Variants in CCNDBP1 observed in about 807,000 individuals in gnomAD.
CCNDBP1 encodes the protein cyclin D1 binding protein 1.
CCNDBP1 carries 45 observed loss-of-function variants against 46.2 expected under a neutral mutation model. The observed-to-expected ratio is 0.97, with a 90% confidence interval of 0.77 to 1.25. The LOEUF (loss-of-function observed/expected upper bound fraction) is 1.25, where lower values mean the gene tolerates loss of function less well. CCNDBP1 is among the 50% of genes most tolerant of loss of function. CCNDBP1 has a pLI of 0.00. For synonymous variants in CCNDBP1, 154 were observed against 163.6 expected (o/e 0.94, Z 0.45); for missense variants, 436 against 442.1 (o/e 0.99, Z 0.12).
At chr15:43,185,916 T>G in intron 2 of CCNDBP1, 37 bp downstream of exon 2, 2 of 1,579,724 alleles carry the variant, frequency 1.3e-6, no homozygotes, top group Non-Finnish European at 1.7e-6. Context: ...CTTGCCTCAG[T>G]TCCTCCAGCG....
In CCNDBP1 at chr15:43,191,007, G is replaced by T. The variant is rs1341888150; in HGVS notation, c.544G>T (p.Asp182Tyr). The T allele has an allele frequency of 6.2e-7, 1 of 1,614,134 alleles. No individual in the cohort carries two copies. Among genetic ancestry groups the T allele is most frequent in the South Asian group, 1.1e-5 (1 of 91,082 alleles). The change falls in exon 7 of 11, where the codon GAT becomes TAT. Residue 182 changes from aspartate (D) to tyrosine (Y), a missense_variant. Physicochemically the swap from Asp to Tyr is radical, Grantham distance 160. Transcript: ENST00000300213. ...TCTTTTGATGCTGACCAAGAATGTGGATTTTGTGAAGGATGCACATGAAGA... is the reference window on the plus strand; with the variant it reads ...TCTTTTGATGCTGACCAAGAATGTGTATTTTGTGAAGGATGCACATGAAGA... ...AALLMLTKNV[D>Y]FVKDAHEEME... is the part of the protein sequence containing the mutation.
chr15:43,189,020 G>A (rs2041898236), intron 3 of CCNDBP1, 179 bp from the exon 4 acceptor site: 1 of 382,778 alleles, frequency 2.6e-6, no homozygotes, highest in Non-Finnish European at 4.5e-6. Flanking sequence ...GGAGGTTGCA[G>A]TGAGCCAAGA....
chr15:43,186,100 A>C (rs2041824876), intron 2 of CCNDBP1, 54 bp from the exon 3 acceptor site: 2 of 1,515,454 alleles, frequency 1.3e-6, no homozygotes, highest in Non-Finnish European at 1.8e-6. Flanking sequence ...AAGTCTTCCA[A>C]GTCCGTGCAG....
intron 3 of CCNDBP1, among the ~76,000 whole-genome samples, chr15:43,187,166 G>A (rs1027732649): frequency 6.6e-6 from 1 of 151,740 alleles, no homozygotes; most frequent in Non-Finnish European, 1.5e-5. Context: ...ATAGTCAATT[G>A]TTTTAATTTT....
At chr15:43,193,332 C>CAAAAAAAAAA (rs60206861) in intron 9 of CCNDBP1, 1 of 39,144 alleles carries the variant, frequency 2.6e-5, no homozygotes, top group African/African-American at 1.2e-4. Flanking sequence ...GACTCTGTCT[C>CAAAAAAAAAA]AAAAAAAAAA....
chr15:43,191,362 TTTTGCA>T, intron 7 of CCNDBP1, 27 bp from the exon 8 acceptor site: 4 of 1,369,058 alleles, frequency 2.9e-6, no homozygotes, highest in Non-Finnish European at 1.9e-6. Flanking sequence ...TTTTTTTTTT[TTTTGCA>T]TTCACATACA....
chr15:43,197,063 G>T lies in CCNDBP1; in HGVS notation c.*2222G>T. Reference sequence around the variant, plus strand: ...AACCCATTCTTGCCCTGTGATCTCTGCTCACGTTGCCTCCCTTCATCTTCC... The same window carrying T: ...AACCCATTCTTGCCCTGTGATCTCTTCTCACGTTGCCTCCCTTCATCTTCC... On this transcript the variant is annotated 3_prime_UTR_variant, in exon 11 of 11. Transcript: ENST00000300213. The T allele has an allele frequency of 3.7e-6, 2 of 533,702 alleles. No individual in the cohort carries two copies. The highest frequency in any genetic ancestry group is 6.7e-6 in the Non-Finnish European group (2 of 298,760). 33.1% of individuals were successfully genotyped at this position (533,702 alleles called of 1,614,324 possible).
In CCNDBP1 at chr15:43,191,527, C is replaced by T. The variant is rs1351452619; in HGVS notation, c.712C>T (p.Gln238Ter). 6.2e-7 allele frequency: 1 copy of T among 1,614,030 alleles called. No individual in the cohort carries two copies. Among genetic ancestry groups the T allele is most frequent in the Admixed American group, 1.7e-5 (1 of 60,012 alleles). Residue 238 changes from glutamine (Q) to a stop codon, truncating the protein, a stop_gained, in exon 8 of 11, where the codon CAA becomes TAA. Transcript: ENST00000300213. LOFTEE classifies it high-confidence loss of function. ...GGACTTGTATTGGTCAGAGGACGAT[C>T]AAGAGCTCATAATCCCATGCCTTGC... ...NQDLYWSEDD[Q>*]ELIIPCLALV... is the part of the protein sequence containing the mutation.
At chr15:43,191,078 G>C (rs778513599) in intron 7 of CCNDBP1, 36 bp downstream of exon 7, 1 of 1,457,448 alleles carries the variant, frequency 6.9e-7, no homozygotes, top group African/African-American at 1.4e-5. Context: ...GCAACTCCTT[G>C]ACTAGTAGAT....
chr15:43,185,723 C>A, intron 1 of CCNDBP1, 97 bp from the exon 2 acceptor site: 1 of 1,420,296 alleles, frequency 7.0e-7, no homozygotes, highest in East Asian at 2.6e-5. Context: ...CGGGCTGGGG[C>A]GGCGGCGGGG....
chr15:43,188,889 CAGTGTGGCA>C, intron 3 of CCNDBP1: 1 of 214,266 alleles, frequency 4.7e-6, no homozygotes, highest in South Asian at 7.5e-5. Context: ...CCAGTGTGGC[CAGTGTGGCA>C]AAACCCCATC....
chr15:43,192,543 C>T (rs1475426343), intron 8 of CCNDBP1, among the ~76,000 whole-genome samples, 200 bp from the exon 9 acceptor site: 6 of 152,162 alleles, frequency 3.9e-5, no homozygotes, highest in Non-Finnish European at 7.4e-5. Flanking sequence ...ATTTCCCCCC[C>T]AGCTTCCTAG....
chr15:43,185,418 C>A lies in CCNDBP1; in HGVS notation c.-81C>A. ...GAAACGAGCCCTTGACGCTGTGGCC[C>A]GGAAGTGGAGCGGCTGTCGCAGTGC... On this transcript the variant is annotated 5_prime_UTR_variant, in exon 1 of 11. Coordinates refer to ENST00000300213, the MANE Select transcript of CCNDBP1 (RefSeq NM_012142.5). 8.9e-7 allele frequency: 1 copy of A among 1,123,278 alleles called. No homozygotes were observed. Among genetic ancestry groups the A allele is most frequent in the Non-Finnish European group, 1.3e-6 (1 of 770,266 alleles). 69.6% of individuals were successfully genotyped at this position (1,123,278 alleles called of 1,614,324 possible). A position where few individuals can be genotyped will look rare whatever the true frequency, so the allele number is the denominator to read the frequency against.
rs1231749493 is a variant in CCNDBP1 at position 43,185,507 on chromosome 15, C to T, written c.9C>T (p.Ser3=). The T allele has an allele frequency of 1.3e-6, 2 of 1,591,384 alleles. No individual in the cohort carries two copies. Among genetic ancestry groups the T allele is most frequent in the Non-Finnish European group, 1.7e-6 (2 of 1,172,346 alleles). Residue 3 remains serine, a synonymous_variant, in exon 1 of 11, where the codon AGC becomes AGT. Transcript: ENST00000300213. ...TTCGGCAAGCGACTGAGATGGCGAG[C>T]GCAACTGCACCTGCAGCCGCAGTCC... The part of the protein sequence containing the change: MA[S]ATAPAAAVPT...
intron 3 of CCNDBP1, among the ~76,000 whole-genome samples, chr15:43,187,270 G>T (rs1044518245): frequency 6.7e-6 from 1 of 150,138 alleles, no homozygotes; most frequent in African/African-American, 2.5e-5. Context: ...ATACCTTTGA[G>T]ATTTTTTTTT....
chr15:43,187,753 C>G (rs1424991082), intron 3 of CCNDBP1, among the ~76,000 whole-genome samples: 1 of 152,150 alleles, frequency 6.6e-6, no homozygotes, highest in African/African-American at 2.4e-5. Flanking sequence ...TAAGATACCA[C>G]AAGGAGGCAG....
intron 9 of CCNDBP1, 78 bp from the exon 10 acceptor site, chr15:43,194,337 C>T (rs1428755628): frequency 5.9e-6 from 7 of 1,195,614 alleles, no homozygotes; most frequent in Non-Finnish European, 5.8e-6. Flanking sequence ...TTTTTTATTA[C>T]TTGGGTCTTT....
intron 8 of CCNDBP1, 56 bp from the exon 9 acceptor site, chr15:43,192,687 A>G (rs1397735516): frequency 3.9e-6 from 6 of 1,523,090 alleles, no homozygotes; most frequent in Non-Finnish European, 5.5e-6. Context: ...GTTGTGTACT[A>G]GAAACAACCT....
chr15:43,186,175 C>T lies in CCNDBP1; in HGVS notation c.191C>T (p.Ser64Leu). The change falls in exon 3 of 11, where the codon TCA becomes TTA. Residue 64 changes from serine (S) to leucine (L), a missense_variant. Transcript: ENST00000300213. ...RRLNEAAVTV[S>L]REATTLTIVF... ...CCAGATGAGGCAGCTGTGACTGTGT[C>T]AAGGGAAGCCACGACTCTGACCATA... is the stretch of plus-strand genomic sequence containing the variant. The T allele has an allele frequency of 6.2e-7, 1 of 1,614,144 alleles. No homozygotes were observed. Among genetic ancestry groups the T allele is most frequent in the South Asian group, 1.1e-5 (1 of 91,074 alleles).
Sources: gnomAD v4.1 joint callset for allele counts (sites outside exome capture counted in the v4.1 genomes callset) on GRCh38, gnomAD v4.1.1 for gene constraint, MANE v1.5 for transcripts, NCBI Gene and HGNC (gene_info 2026-07-23, HGNC 2026-07-21) for gene names.